ERICH1: variants seen among roughly 807,000 people sequenced by gnomAD.
ERICH1 encodes glutamate rich 1.
ERICH1 carries 56 observed loss-of-function variants against 39.6 expected under a neutral mutation model. That is an observed-to-expected ratio of 1.41 (90% confidence interval 1.14 to 1.77). The LOEUF (loss-of-function observed/expected upper bound fraction) is 1.77. Among genes scored for constraint, ERICH1 ranks in the 40% most tolerant of loss-of-function variants. The probability of loss-of-function intolerance (pLI) is 0.00; values close to 1 mark genes in which losing one functional copy is unlikely to be tolerated. For missense variants in ERICH1, 826 were observed against 575.4 expected (o/e 1.44, Z -4.45); for synonymous variants, 313 against 223.6 (o/e 1.40, Z -3.57).
intron 3 of ERICH1, among the ~76,000 whole-genome samples, chr8:624,692 G>A (rs1307114461): frequency 6.6e-6 from 1 of 151,764 alleles, no homozygotes; most frequent in Non-Finnish European, 1.5e-5. Flanking sequence ...AGGGGGAGGC[G>A]CTACACACTT....
At chr8:730,167 C>G (rs900734105) in intron 1 of ERICH1, among the ~76,000 whole-genome samples, 12 of 152,220 alleles carry the variant, frequency 7.9e-5, no homozygotes, top group Admixed American at 3.3e-4. Flanking sequence ...CTTAAAAACT[C>G]TTAGGTCATT....
At chr8:635,760 C>T (rs1798388869) in intron 3 of ERICH1, among the ~76,000 whole-genome samples, 1 of 152,218 alleles carries the variant, frequency 6.6e-6, no homozygotes. Context: ...CGACGCTCCC[C>T]CAGCGTGTGT....
At chr8:631,886 G>A (rs1584965375) in intron 3 of ERICH1, among the ~76,000 whole-genome samples, 1 of 152,092 alleles carries the variant, frequency 6.6e-6, no homozygotes, top group Non-Finnish European at 1.5e-5. Context: ...AGTCAATGCT[G>A]TACTTGTTTC....
intron 3 of ERICH1, among the ~76,000 whole-genome samples, chr8:689,898 C>T (rs1808523314): frequency 6.6e-6 from 1 of 152,180 alleles, no homozygotes. Context: ...TACGACGCGC[C>T]AGGACCGTGA....
chr8:618,563 C>G (rs1010644350), intron 3 of ERICH1, among the ~76,000 whole-genome samples: 3 of 152,214 alleles, frequency 2.0e-5, no homozygotes, highest in Non-Finnish European at 4.4e-5. Flanking sequence ...GCCTCCCCCT[C>G]CCACCCCACT....
At chr8:705,913 A>T (rs17814323) in intron 2 of ERICH1, among the ~76,000 whole-genome samples, 36,706 of 152,120 alleles carry the variant, frequency 0.24, 4,729 homozygotes, top group East Asian at 0.43. Context: ...CTTTCACCGT[A>T]CGTTTTTAAT....
At chr8:729,438 A>G (rs1004229284) in intron 1 of ERICH1, among the ~76,000 whole-genome samples, 3 of 152,222 alleles carry the variant, frequency 2.0e-5, no homozygotes, top group African/African-American at 7.2e-5. Flanking sequence ...GCCACGCAGA[A>G]GGGAAATGCT....
chr8:711,803 C>T (rs973215506), intron 2 of ERICH1, among the ~76,000 whole-genome samples: 4 of 152,270 alleles, frequency 2.6e-5, no homozygotes, highest in Middle Eastern at 3.4e-3. Flanking sequence ...AGTCCAGATC[C>T]ATTTTTAGTA....
At chr8:672,947 G>A (rs571093643) in intron 4 of ERICH1, among the ~76,000 whole-genome samples, 2 of 152,340 alleles carry the variant, frequency 1.3e-5, no homozygotes, top group South Asian at 4.1e-4. Flanking sequence ...AAAATAGCCT[G>A]GATGCCAACA....
rs143022693 is a variant in ERICH1 at position 623,618 on chromosome 8, A to G, written c.977-8334T>C. Among the ~76,000 whole-genome samples, 377 of 152,338 alleles carry G rather than the reference A, an allele frequency of 2.5e-3. 13 individuals are homozygous for G. In the East Asian group the frequency reaches 0.065, roughly 26 times the overall value. On this transcript the variant is annotated intron_variant, in intron 3 of 3. Transcript: ENST00000522706. ...CACAATAAAGCTAATCAGCACATCT[A>G]TCACCTCACAGAATTACCATTTTGT... is the stretch of plus-strand genomic sequence containing the variant.
At chr8:699,982 C>T (rs552045185) in intron 2 of ERICH1, among the ~76,000 whole-genome samples, 1 of 118,216 alleles carries the variant, frequency 8.5e-6, no homozygotes, top group East Asian at 2.6e-4. Context: ...GACCCGCACA[C>T]GCGCACAGAC....
chr8:708,686 T>TTGTTTTTC (rs1487357438), intron 2 of ERICH1, among the ~76,000 whole-genome samples: 1 of 48,980 alleles, frequency 2.0e-5, no homozygotes, highest in Non-Finnish European at 4.4e-5. Context: ...AATGAGTTTT[T>TTGTTTTTC]TTTTTTTTTT....
At chr8:647,817 G>C in intron 3 of ERICH1, among the ~76,000 whole-genome samples, 1 of 67,588 alleles carries the variant, frequency 1.5e-5, no homozygotes, top group East Asian at 3.0e-4. Context: ...GATGGGTTCA[G>C]GGGAGATGGG....
At chr8:703,854 G>A (rs1229587905) in intron 2 of ERICH1, among the ~76,000 whole-genome samples, 1 of 152,198 alleles carries the variant, frequency 6.6e-6, no homozygotes, top group Non-Finnish European at 1.5e-5. Context: ...AAGATTGAAA[G>A]CAAAGAGGAG....
intron 3 of ERICH1, among the ~76,000 whole-genome samples, chr8:683,689 A>C (rs977178646): frequency 3.3e-5 from 5 of 152,178 alleles, no homozygotes; most frequent in Non-Finnish European, 5.9e-5. Context: ...GTTATAAAAA[A>C]CTGAGTTGGG....
At chr8:635,837 A>G (rs937352486) in intron 3 of ERICH1, among the ~76,000 whole-genome samples, 1 of 152,218 alleles carries the variant, frequency 6.6e-6, no homozygotes, top group Non-Finnish European at 1.5e-5. Flanking sequence ...TTGGCTCACC[A>G]AAGTTTGTGT....
chr8:637,918 G>T lies in ERICH1; in HGVS notation c.977-22634C>A, dbSNP rs373120924. Among the ~76,000 whole-genome samples, 12 of 152,388 alleles carry T rather than the reference G, an allele frequency of 7.9e-5. No individual in the cohort carries two copies. In the South Asian group the frequency reaches 2.5e-3, roughly 32 times the overall value. ...GCCACTGCAGGCAGCCGAACAAAATGCAGGGGCCAGGCTTTCTGCTGAGGA... is the reference window on the plus strand; with the variant it reads ...GCCACTGCAGGCAGCCGAACAAAATTCAGGGGCCAGGCTTTCTGCTGAGGA... On this transcript the variant is annotated intron_variant, in intron 3 of 3. Transcript: ENST00000522706.
intron 4 of ERICH1, 30 bp from the exon 5 acceptor site, chr8:668,822 C>T (rs368591089): frequency 2.6e-6 from 4 of 1,556,740 alleles, no homozygotes; most frequent in Non-Finnish European, 3.5e-6. Context: ...CTTGGAAATA[C>T]AGTTTTGTTT....
At chr8:657,543 C>A (rs1800810563) in intron 3 of ERICH1, among the ~76,000 whole-genome samples, 1 of 150,128 alleles carries the variant, frequency 6.7e-6, no homozygotes, top group African/African-American at 2.5e-5. Context: ...TGATGATGCT[C>A]CTGCTCCGTC....
Sources: gnomAD v4.1 joint callset for allele counts (sites outside exome capture counted in the v4.1 genomes callset) on GRCh38, gnomAD v4.1.1 for gene constraint, MANE v1.5 for transcripts, NCBI Gene and HGNC (gene_info 2026-07-23, HGNC 2026-07-21) for gene names.